HABP2: variants seen among roughly 807,000 people sequenced by gnomAD.
The protein encoded by HABP2 is factor VII-activating protease.
In HABP2, 65 loss-of-function variants were observed where a neutral mutation model predicts 66.5. The ratio of observed to expected loss-of-function variants is 0.98; its 90% CI spans 0.80 to 1.20. The LOEUF (loss-of-function observed/expected upper bound fraction) is 1.20, where lower values mean the gene tolerates loss of function less well. HABP2 is among the 50% of genes most tolerant of loss of function. The probability of loss-of-function intolerance (pLI) is 0.00; values close to 1 mark genes in which losing one functional copy is unlikely to be tolerated. For synonymous variants in HABP2, 263 were observed against 253.9 expected, an observed-to-expected ratio of 1.04 and a Z score of -0.34; for missense variants, 786 against 691.0, an observed-to-expected ratio of 1.14 and a Z score of -1.54.
intron 7 of HABP2, among the ~76,000 whole-genome samples, chr10:113,579,963 A>G (rs999717364): frequency 1.3e-5 from 2 of 151,924 alleles, no homozygotes; most frequent in Admixed American, 6.6e-5. Context: ...TTGTATTTTT[A>G]GTAGAGATGG....
At chr10:113,585,388 G>A (rs1845614585) in intron 11 of HABP2, among the ~76,000 whole-genome samples, 1 of 152,168 alleles carries the variant, frequency 6.6e-6, no homozygotes, top group Non-Finnish European at 1.5e-5. Context: ...TATCTTTACA[G>A]GGGAAAATGC....
Position 113,583,394 on chromosome 10 carries a change from G to A in HABP2, c.1237+36G>A, listed in dbSNP as rs1432203256. 1.9e-6 allele frequency: 3 copies of A among 1,594,126 alleles called. No homozygotes were observed. In the African/African-American group the frequency reaches 4.0e-5, roughly 21 times the overall value. On this transcript the variant is annotated intron_variant, in intron 10 of 12. Coordinates refer to ENST00000351270, the MANE Select transcript of HABP2 (RefSeq NM_004132.5). Reference sequence around the variant, plus strand: ...CTTTCATGGCTTTCCTGAGGGTCTTGTCCTGGGTGGATTTCTCTATGACCA... The same window carrying A: ...CTTTCATGGCTTTCCTGAGGGTCTTATCCTGGGTGGATTTCTCTATGACCA...
intron 3 of HABP2, among the ~76,000 whole-genome samples, chr10:113,575,460 T>G (rs759367286): frequency 6.6e-6 from 1 of 152,020 alleles, no homozygotes; most frequent in African/African-American, 2.4e-5. Flanking sequence ...TCATTAGGGG[T>G]GGGTTTTCTT....
In HABP2 at chr10:113,588,364, T is replaced by C. The variant is rs1238623373; in HGVS notation, c.1678T>C (p.Phe560Leu). Reference sequence around the variant, plus strand: ...AGCCACCATCAAAAGTGAAAGTGGCTTCTAAGGTACTGTCTTCTGGACCTC... The same window carrying C: ...AGCCACCATCAAAAGTGAAAGTGGCCTCTAAGGTACTGTCTTCTGGACCTC... ...IKATIKSESG[F>L] Residue 560 changes from phenylalanine to leucine, a missense_variant, in exon 13 of 13, where the codon TTC (phenylalanine) becomes CTC (leucine). Phe to Leu is a conservative substitution (Grantham distance 22). Coordinates refer to ENST00000351270, the MANE Select transcript of HABP2 (RefSeq NM_004132.5). 4 of 1,611,668 alleles carry C rather than the reference T, an allele frequency of 2.5e-6. No individual in the cohort carries two copies. Among genetic ancestry groups the C allele is most frequent in the East Asian group, 2.2e-5 (1 of 44,864 alleles).
At chr10:113,587,650 G>A (rs999046234) in intron 12 of HABP2, among the ~76,000 whole-genome samples, 1 of 151,980 alleles carries the variant, frequency 6.6e-6, no homozygotes, top group Non-Finnish European at 1.5e-5. Context: ...CATCATCCTC[G>A]CCACCTTCCG....
chr10:113,587,339 A>AAAC (rs1845663142), intron 12 of HABP2, among the ~76,000 whole-genome samples: 1 of 60,342 alleles, frequency 1.7e-5, no homozygotes, highest in African/African-American at 7.0e-5. Flanking sequence ...ACAAACAAAC[A>AAAC]AAAAAAAACC....
chr10:113,565,122 G>A (rs1340706100), intron 1 of HABP2, among the ~76,000 whole-genome samples: 1 of 152,190 alleles, frequency 6.6e-6, no homozygotes. Context: ...GGGATTACAG[G>A]CGTGAGCCAC....
intron 9 of HABP2, among the ~76,000 whole-genome samples, chr10:113,582,823 T>G: frequency 6.6e-6 from 1 of 152,208 alleles, no homozygotes; most frequent in East Asian, 1.9e-4. Flanking sequence ...GAGGTGGCCA[T>G]GAAGGTCTTC....
intron 3 of HABP2, among the ~76,000 whole-genome samples, chr10:113,575,636 T>C (rs1432861680): frequency 1.3e-5 from 2 of 152,140 alleles, no homozygotes; most frequent in Non-Finnish European, 2.9e-5. Context: ...AAAGGCCCCG[T>C]CCAAAGCCAG....
chr10:113,554,383 T>C (rs1407972641), intron 1 of HABP2, among the ~76,000 whole-genome samples: 1 of 152,224 alleles, frequency 6.6e-6, no homozygotes, highest in Non-Finnish European at 1.5e-5. Flanking sequence ...GCAGATTAAG[T>C]TACAGTTTTC....
upstream of HABP2, among the ~76,000 whole-genome samples, chr10:113,551,934 A>G (rs1844906667): frequency 6.6e-6 from 1 of 152,098 alleles, no homozygotes; most frequent in Non-Finnish European, 1.5e-5. Flanking sequence ...CTAAAATAGG[A>G]TGGAGACAAA....
chr10:113,579,805 T>G (rs1592697622), intron 7 of HABP2, among the ~76,000 whole-genome samples: 1 of 151,972 alleles, frequency 6.6e-6, no homozygotes, highest in African/African-American at 2.4e-5. Flanking sequence ...TTTTTTGAGA[T>G]GGAGTCTCAC....
chr10:113,556,815 T>A (rs1845005304), intron 1 of HABP2, among the ~76,000 whole-genome samples: 1 of 147,158 alleles, frequency 6.8e-6, no homozygotes, highest in Admixed American at 6.7e-5. Context: ...TTTTTTTTTT[T>A]TTTTTTTTTG....
chr10:113,582,101 G>A lies in HABP2; in HGVS notation c.1064G>A (p.Cys355Tyr), dbSNP rs778054378. ...TGTGGTGGGGCGCTGATCCACCCCT[G>A]CTGGGTGCTCACTGCTGCCCACTGC... ...HFCGGALIHP[C>Y]WVLTAAHCTD... The change falls in exon 9 of 13, where the codon TGC becomes TAC. Residue 355 changes from cysteine to tyrosine, a missense_variant. Transcript: ENST00000351270. 2 of 1,609,662 alleles carry A rather than the reference G, an allele frequency of 1.2e-6. No homozygotes were observed. Among genetic ancestry groups the A allele is most frequent in the Admixed American group, 3.3e-5 (2 of 59,976 alleles).
intron 2 of HABP2, among the ~76,000 whole-genome samples, chr10:113,571,282 T>C (rs145815402): frequency 3.3e-5 from 5 of 152,288 alleles, no homozygotes; most frequent in African/African-American, 1.2e-4. Flanking sequence ...TCTTGCTGAA[T>C]ATTGGCTGGG....
chr10:113,578,883 G>T, intron 7 of HABP2, 85 bp downstream of exon 7: 2 of 941,314 alleles, frequency 2.1e-6, no homozygotes, highest in Non-Finnish European at 3.4e-6. Context: ...TCCTTTCTAG[G>T]AAGATTTTCT....
At chr10:113,579,765 T>G (rs1011172641) in intron 7 of HABP2, among the ~76,000 whole-genome samples, 4 of 152,110 alleles carry the variant, frequency 2.6e-5, no homozygotes, top group African/African-American at 9.7e-5. Context: ...TTCTTGTTTT[T>G]TTTTTTTGTT....
intron 1 of HABP2, among the ~76,000 whole-genome samples, chr10:113,554,792 C>A (rs1485227131): frequency 6.6e-6 from 1 of 152,096 alleles, no homozygotes; most frequent in Non-Finnish European, 1.5e-5. Context: ...TTTTTGCAAA[C>A]CCCATTGAAT....
In HABP2 at chr10:113,589,480, T is replaced by C; in HGVS notation, c.*1111T>C. The C allele has an allele frequency of 6.0e-6, 4 of 671,318 alleles. No homozygotes were observed. The highest frequency in any genetic ancestry group is 9.9e-6 in the Non-Finnish European group (4 of 404,230). 41.6% of individuals were successfully genotyped at this position (671,318 alleles called of 1,614,324 possible). On this transcript the variant is annotated 3_prime_UTR_variant, in exon 13 of 13. Coordinates refer to ENST00000351270, the MANE Select transcript of HABP2 (RefSeq NM_004132.5). ...CTTCAGAGAAAGCCCTGCAGGAAGT[T>C]TAACCTGCGTGTCATCTGCCTGGTC...
Sources: gnomAD v4.1 joint callset for allele counts (sites outside exome capture counted in the v4.1 genomes callset) on GRCh38, gnomAD v4.1.1 for gene constraint, MANE v1.5 for transcripts, NCBI Gene and HGNC (gene_info 2026-07-23, HGNC 2026-07-21) for gene names.